Variants in SPATA6 observed in about 807,000 individuals in gnomAD.
SPATA6 encodes the protein spermatogenesis associated 6.
A neutral mutation model predicts 65.3 loss-of-function variants in SPATA6; 56 were observed. That is an observed-to-expected ratio of 0.86 (90% confidence interval 0.69 to 1.07). The LOEUF is 1.07. Among genes scored for constraint, SPATA6 ranks in the 50% least tolerant of loss-of-function variants. SPATA6 has a pLI of 0.00. For missense variants in SPATA6, 590 were observed against 594.8 expected, an observed-to-expected ratio of 0.99 and a Z score of 0.08; for synonymous variants, 199 against 213.2, an observed-to-expected ratio of 0.93 and a Z score of 0.58.
At position 48,327,376 on chromosome 1, in the gene SPATA6, G is replaced by A. The variant is rs954550419; in HGVS notation, c.1195-21498C>T. ...TGCTGGCATGAATGTGGAGAAAAGG[G>A]AACGCTTACACACTGTTCTTGGAAA... On this transcript the variant is annotated intron_variant, in intron 11 of 12. Transcript: ENST00000371847. 5.9e-5 allele frequency among the ~76,000 whole-genome samples: 9 copies of A among 152,160 alleles called. No individual in the cohort carries two copies. The East Asian group carries it at 1.7e-3, about 29-fold the overall frequency.
chr1:48,340,644 TA>T (rs760212077), intron 11 of SPATA6, among the ~76,000 whole-genome samples: 20 of 150,844 alleles, frequency 1.3e-4, no homozygotes, highest in Admixed American at 1.1e-3. Flanking sequence ...ATGAAGGAGA[TA>T]AAAAAAGAAA....
At chr1:48,332,260 G>A (rs1265259027) in intron 11 of SPATA6, among the ~76,000 whole-genome samples, 1 of 152,080 alleles carries the variant, frequency 6.6e-6, no homozygotes, top group African/African-American at 2.4e-5. Flanking sequence ...AATGGGTTAG[G>A]TGCCCCAATT....
intron 9 of SPATA6, among the ~76,000 whole-genome samples, chr1:48,382,470 C>T (rs1257439711): frequency 1.5e-5 from 2 of 134,418 alleles, no homozygotes; most frequent in East Asian, 4.8e-4. Context: ...GGCTGTCCCC[C>T]CCACCTCCCT....
At chr1:48,418,621 G>A (rs922337847) in intron 3 of SPATA6, among the ~76,000 whole-genome samples, 2 of 150,594 alleles carry the variant, frequency 1.3e-5, no homozygotes, top group African/African-American at 4.9e-5. Flanking sequence ...CCAGATACTT[G>A]GGAGGCTGAG....
intron 11 of SPATA6, among the ~76,000 whole-genome samples, chr1:48,339,795 A>C (rs565327000): frequency 9.2e-5 from 14 of 152,124 alleles, no homozygotes; most frequent in Non-Finnish European, 1.5e-4. Flanking sequence ...GATCTAATAG[A>C]GGTAATTGAA....
At chr1:48,277,140 T>C in the SPATA6 span, among the ~76,000 whole-genome samples, 97 of 151,604 alleles carry the variant, frequency 6.4e-4, no homozygotes, top group Middle Eastern at 3.4e-3. Flanking sequence ...ATGGGGTTTC[T>C]CCTTCACTTT....
intron 9 of SPATA6, among the ~76,000 whole-genome samples, chr1:48,363,148 T>A (rs886846990): frequency 3.3e-5 from 5 of 152,144 alleles, no homozygotes; most frequent in African/African-American, 1.2e-4. Context: ...ATATGTTTTG[T>A]AAAGTCTTTT....
intron 11 of SPATA6, among the ~76,000 whole-genome samples, chr1:48,341,655 A>C (rs904764325): frequency 2.6e-5 from 4 of 152,234 alleles, no homozygotes; most frequent in African/African-American, 9.6e-5. Flanking sequence ...TTGGAAAGAA[A>C]AAAACATGGT....
At chr1:48,389,786 G>A (rs558000928) in intron 8 of SPATA6, among the ~76,000 whole-genome samples, 2 of 152,186 alleles carry the variant, frequency 1.3e-5, no homozygotes, top group African/African-American at 4.8e-5. Flanking sequence ...GTGATCAAGG[G>A]AACTCTAAAC....
At chr1:48,446,955 C>T (rs989397859) in intron 3 of SPATA6, among the ~76,000 whole-genome samples, 4 of 152,036 alleles carry the variant, frequency 2.6e-5, no homozygotes, top group African/African-American at 7.2e-5. Flanking sequence ...CACTGAGACG[C>T]GAGACCAACC....
At chr1:48,278,110 C>T in the SPATA6 span, among the ~76,000 whole-genome samples, 475 of 152,322 alleles carry the variant, frequency 3.1e-3, 3 homozygotes, top group Admixed American at 6.2e-3. Flanking sequence ...AACAGACCTG[C>T]AGCTGAGGGT....
chr1:48,304,705 T>C (rs1293271247), intron 12 of SPATA6, among the ~76,000 whole-genome samples: 2 of 152,068 alleles, frequency 1.3e-5, no homozygotes, highest in Non-Finnish European at 2.9e-5. Flanking sequence ...CCAGCATCTA[T>C]GGGGGTAAAA....
At chr1:48,273,110 G>A in the SPATA6 span, among the ~76,000 whole-genome samples, 1 of 152,098 alleles carries the variant, frequency 6.6e-6, no homozygotes, top group Non-Finnish European at 1.5e-5. Context: ...AAGCTTTTGA[G>A]TTGGGTGTAG....
intron 8 of SPATA6, among the ~76,000 whole-genome samples, chr1:48,392,616 T>C (rs1432720048): frequency 6.6e-6 from 1 of 152,132 alleles, no homozygotes; most frequent in African/African-American, 2.4e-5. Context: ...TCAAGCCACA[T>C]AACTTCTCTA....
Position 48,399,223 on chromosome 1 carries a change from T to G in SPATA6, c.780+128A>C, listed in dbSNP as rs140203832. On this transcript the variant is annotated intron_variant, in intron 7 of 12. Transcript: ENST00000371847. ...AAATTAATTTCCCATCTTAGACTGC[T>G]AGGGTAGCAGTCAGAAGAGAAAAGT... 13 of 1,108,614 alleles carry G rather than the reference T, an allele frequency of 1.2e-5. No individual in the cohort carries two copies. In the East Asian group the frequency reaches 3.1e-4, roughly 26 times the overall value. 68.7% of individuals were successfully genotyped at this position (1,108,614 alleles called of 1,614,324 possible).
intron 11 of SPATA6, among the ~76,000 whole-genome samples, chr1:48,314,117 C>T (rs1419616725): frequency 3.3e-5 from 5 of 152,144 alleles, no homozygotes; most frequent in Admixed American, 3.3e-4. Flanking sequence ...CCACTGTCAA[C>T]ATTAGACAGA....
intron 3 of SPATA6, among the ~76,000 whole-genome samples, chr1:48,445,976 T>C (rs2148130386): frequency 6.6e-6 from 1 of 152,232 alleles, no homozygotes; most frequent in South Asian, 2.1e-4. Flanking sequence ...TCAAAATAAA[T>C]ACATCACGCT....
At chr1:48,446,953 C>T (rs188608998) in intron 3 of SPATA6, among the ~76,000 whole-genome samples, 84 of 152,218 alleles carry the variant, frequency 5.5e-4, no homozygotes, top group Admixed American at 1.6e-3. Context: ...ACCACTGAGA[C>T]GCGAGACCAA....
intron 9 of SPATA6, among the ~76,000 whole-genome samples, chr1:48,360,224 G>C (rs1156727702): frequency 6.6e-6 from 1 of 152,068 alleles, no homozygotes. Flanking sequence ...ATAAATTCCT[G>C]CTCCTGTGGA....
Sources: allele counts gnomAD v4.1 joint callset (sites outside exome capture counted in the v4.1 genomes callset), GRCh38; gene constraint gnomAD v4.1.1; transcripts MANE v1.5; gene names NCBI Gene and HGNC (gene_info 2026-07-23, HGNC 2026-07-21).